The following COBL variants were observed in gnomAD, a reference collection of about 807,000 sequenced individuals.
The protein encoded by COBL is cordon-bleu WH2 repeat protein, also known as protein cordon-bleu.
A neutral mutation model predicts 98.8 loss-of-function variants in COBL; 51 were observed. The observed-to-expected ratio is 0.52, with a 90% CI of 0.41 to 0.65. COBL has a LOEUF of 0.65. COBL is among the 30% of genes least tolerant of loss of function. The pLI, the probability that COBL is intolerant of heterozygous loss-of-function variation, is 0.00. For missense variants in COBL, 1,617 were observed against 1,617.5 expected, an observed-to-expected ratio of 1.00 and a Z score of 0.01; for synonymous variants, 634 against 651.7, an observed-to-expected ratio of 0.97 and a Z score of 0.41.
intron 6 of COBL, among the ~76,000 whole-genome samples, chr7:51,134,960 T>A (rs74439978): frequency 0.078 from 11,879 of 152,160 alleles, 556 homozygotes; most frequent in Admixed American, 0.15. Flanking sequence ...ACATTCCTTT[T>A]TTTTTTATTT....
chr7:51,156,340 A>T, intron 5 of COBL: 1 of 985,298 alleles, frequency 1.0e-6, no homozygotes, highest in Non-Finnish European at 1.2e-6. Flanking sequence ...AAGTTTATCA[A>T]ATTATCTCAG....
rs180728349 is a variant in COBL, at chr7:51,270,959, G to A, written c.41+45634C>T. On this transcript the variant is annotated intron_variant, in intron 1 of 12. Coordinates refer to ENST00000265136, the MANE Select transcript of COBL (RefSeq NM_015198.5). ...TTAATTATTCCTATACAGACAGTAGGGGGGTCATGAGCTAAGGAGTGTGTA... is the reference window on the plus strand; with the variant it reads ...TTAATTATTCCTATACAGACAGTAGAGGGGTCATGAGCTAAGGAGTGTGTA... Among the ~76,000 whole-genome samples, 8 of 152,278 alleles carry A rather than the reference G, an allele frequency of 5.3e-5. No homozygotes were observed. In the East Asian group the frequency reaches 1.4e-3, roughly 26 times the overall value.
rs749249733 is a variant in COBL, at chr7:51,028,620, G to A, written c.2476C>T (p.Arg826Trp). Residue 826 changes from arginine (R) to tryptophan (W), a missense_variant, in exon 10 of 13, where the codon CGG becomes TGG. Arg to Trp is a moderately radical substitution (Grantham distance 101, BLOSUM62 -3). Coordinates refer to ENST00000265136, the MANE Select transcript of COBL (RefSeq NM_015198.5). ...PQQKSAHHEG[R>W]NPLGEGRNQP... ...TTTCTCCCCTCCCCTAGGGGGTTCC[G>A]GCCCTCATGGTGGGCAGACTTCTGC... The A allele has an allele frequency of 2.7e-5, 44 of 1,613,436 alleles. No homozygotes were observed. Among genetic ancestry groups the A allele is most frequent in the Admixed American group, 2.2e-4 (13 of 59,958 alleles).
At chr7:51,294,778 C>A (rs1210613601) in intron 1 of COBL, among the ~76,000 whole-genome samples, 7 of 152,008 alleles carry the variant, frequency 4.6e-5, no homozygotes, top group African/African-American at 1.4e-4. Flanking sequence ...GTTTTTATAC[C>A]CCCTGTAGAT....
chr7:51,272,673 CAA>C (rs542091693), intron 1 of COBL, among the ~76,000 whole-genome samples: 298 of 152,244 alleles, frequency 2.0e-3, no homozygotes, highest in African/African-American at 7.0e-3. Flanking sequence ...CTAAAACACT[CAA>C]AGAGGCAAAG....
intron 7 of COBL, among the ~76,000 whole-genome samples, chr7:51,066,769 C>T (rs1791974212): frequency 6.6e-6 from 1 of 152,166 alleles, no homozygotes; most frequent in African/African-American, 2.4e-5. Context: ...TCCCACTGTG[C>T]AGTCTGCACT....
chr7:51,281,520 A>G (rs1799817281), intron 1 of COBL, among the ~76,000 whole-genome samples: 2 of 152,178 alleles, frequency 1.3e-5, no homozygotes, highest in Admixed American at 6.5e-5. Flanking sequence ...GCTTAAAACT[A>G]AAAACACGGA....
chr7:51,281,376 T>C (rs889748524), intron 1 of COBL, among the ~76,000 whole-genome samples: 1 of 152,278 alleles, frequency 6.6e-6, no homozygotes, highest in South Asian at 2.1e-4. Flanking sequence ...ACACAAAACA[T>C]ATTTCACAAA....
intron 6 of COBL, among the ~76,000 whole-genome samples, chr7:51,105,796 G>C (rs114438189): frequency 0.012 from 1,812 of 152,128 alleles, 30 homozygotes; most frequent in African/African-American, 0.042. Context: ...CCTAGGCTGA[G>C]AGAGGCCTGG....
At chr7:51,191,776 T>C (rs759229014) in intron 3 of COBL, among the ~76,000 whole-genome samples, 2 of 152,172 alleles carry the variant, frequency 1.3e-5, no homozygotes, top group Non-Finnish European at 2.9e-5. Context: ...GGTAGTCATT[T>C]TTCTCCCACT....
Position 51,029,125 on chromosome 7 carries a change from C to A in COBL, c.1971G>T (p.Gly657=), listed in dbSNP as rs1429746228. The stretch of plus-strand genomic sequence containing the variant: ...CTCTCTCTGTGGCTTGAGTCCTCTC[C>A]CCGTCAGCACAGCCATACACTTTGT... ...VKDKVYGCAD[G]ERTQATERVN... The change falls in exon 10 of 13, where the codon GGG becomes GGT. Residue 657 remains glycine, a synonymous_variant. Transcript: ENST00000265136. 5.6e-6 allele frequency: 9 copies of A among 1,614,040 alleles called. No homozygotes were observed. In the East Asian group the frequency reaches 1.6e-4, roughly 28 times the overall value.
rs1411260620 is a variant in COBL at position 51,027,989 on chromosome 7, A to G, written c.3107T>C (p.Leu1036Pro). ...TSDTQACSRE[L>P]VNGSVRAPGH... ...TGGGGCGCGCACAGAGCCATTGACC[A>G]GCTCCCTGCTGCAGGCCTGAGTGTC... The change falls in exon 10 of 13, where the codon CTG (leucine) becomes CCG (proline). Residue 1036 changes from leucine to proline, a missense_variant. By Grantham distance (98) the Leu-to-Pro change is moderately conservative. Coordinates refer to ENST00000265136, the MANE Select transcript of COBL (RefSeq NM_015198.5). 1.9e-6 allele frequency: 3 copies of G among 1,603,960 alleles called. No individual in the cohort carries two copies. In the African/African-American group the frequency reaches 4.0e-5, roughly 21 times the overall value.
At chr7:51,316,006 G>T (rs1229056537) in intron 1 of COBL, among the ~76,000 whole-genome samples, 1 of 152,232 alleles carries the variant, frequency 6.6e-6, no homozygotes, top group Non-Finnish European at 1.5e-5. Flanking sequence ...TAAAGGCAGG[G>T]AGGGAGAGCT....
chr7:51,283,449 A>T (rs780651384), intron 1 of COBL, among the ~76,000 whole-genome samples: 7 of 152,230 alleles, frequency 4.6e-5, no homozygotes, highest in Non-Finnish European at 8.8e-5. Flanking sequence ...GATAATTCAA[A>T]TGTACCCATT....
At chr7:51,299,259 G>A (rs551852759) in intron 1 of COBL, among the ~76,000 whole-genome samples, 1 of 152,192 alleles carries the variant, frequency 6.6e-6, no homozygotes, top group East Asian at 1.9e-4. Context: ...CACACACAGC[G>A]GTGTCCACTG....
chr7:51,230,369 T>C (rs1001022091), intron 1 of COBL, among the ~76,000 whole-genome samples: 1 of 152,188 alleles, frequency 6.6e-6, no homozygotes, highest in Non-Finnish European at 1.5e-5. Context: ...TTGTCATCTC[T>C]GTCTCTTCTT....
chr7:51,226,546 G>GTGAGTGAGTGAC (rs1427243957), intron 1 of COBL, among the ~76,000 whole-genome samples: 1 of 151,604 alleles, frequency 6.6e-6, no homozygotes, highest in Non-Finnish European at 1.5e-5. Flanking sequence ...GAGTGAGTGA[G>GTGAGTGAGTGAC]TAAGTGAGTG....
chr7:51,284,949 CTTTTT>C (rs750844781), intron 1 of COBL, among the ~76,000 whole-genome samples: 2 of 142,830 alleles, frequency 1.4e-5, no homozygotes, highest in African/African-American at 5.1e-5. Flanking sequence ...TTCCATCCAA[CTTTTT>C]TTTTTTTTTT....
chr7:51,285,875 T>C (rs1019767730), intron 1 of COBL, among the ~76,000 whole-genome samples: 2 of 152,232 alleles, frequency 1.3e-5, no homozygotes, highest in East Asian at 1.9e-4. Flanking sequence ...TAGTGTGATA[T>C]TGGTGAAGCA....
Sources: gnomAD v4.1 joint callset for allele counts (sites outside exome capture counted in the v4.1 genomes callset) on GRCh38, gnomAD v4.1.1 for gene constraint, MANE v1.5 for transcripts, NCBI Gene and HGNC (gene_info 2026-07-23, HGNC 2026-07-21) for gene names.